DIP2C: variants seen among roughly 807,000 people sequenced by gnomAD.
DIP2C encodes the protein DIP2 acetate--CoA ligase C (putative).
In DIP2C, 33 loss-of-function variants were observed where a neutral mutation model predicts 192.4. The observed-to-expected ratio is 0.17, with a 90% confidence interval of 0.13 to 0.23. DIP2C has a LOEUF of 0.23. Ranked by LOEUF, DIP2C falls within the 10% of genes least tolerant of loss-of-function variation. The pLI, the probability that DIP2C is intolerant of heterozygous loss-of-function variation, is 1.00. For synonymous variants in DIP2C, 979 were observed against 864.1 expected (o/e 1.13, Z -2.33); for missense variants, 1,537 against 2,110.1 (o/e 0.73, Z 5.32).
intron 22 of DIP2C, among the ~76,000 whole-genome samples, chr10:361,932 C>T (rs1039022704): frequency 3.3e-5 from 5 of 151,942 alleles, no homozygotes; most frequent in Admixed American, 1.3e-4. Context: ...AACCAGGGAC[C>T]GCGAGAACAA....
rs1564681633 is a variant in DIP2C, at chr10:415,803, T to C, written c.825A>G (p.Glu275=). 5 of 1,614,048 alleles carry C rather than the reference T, an allele frequency of 3.1e-6. No homozygotes were observed. Among genetic ancestry groups the C allele is most frequent in the Non-Finnish European group, 4.2e-6 (5 of 1,180,000 alleles). Residue 275 remains glutamate (E), a synonymous_variant, in exon 7 of 37, where the codon GAA becomes GAG. Coordinates refer to ENST00000280886, the MANE Select transcript of DIP2C (RefSeq NM_014974.3). ...LKRPKRPPLR[E]FFVDDFEELL... Reference sequence around the variant, plus strand: ...ATTCTTCAAAGTCATCGACAAAGAATTCTCGTAAAGGTGGTCGTTTCGGTC... The same window carrying C: ...ATTCTTCAAAGTCATCGACAAAGAACTCTCGTAAAGGTGGTCGTTTCGGTC...
intron 3 of DIP2C, among the ~76,000 whole-genome samples, chr10:463,698 C>T (rs1046814191): frequency 2.0e-5 from 3 of 152,068 alleles, no homozygotes; most frequent in African/African-American, 7.2e-5. Flanking sequence ...CAATCCTAAG[C>T]AAAAAGAACA....
rs183027323 is a variant in DIP2C, at chr10:275,988, A to T, written c.*1337T>A. On this transcript the variant is annotated 3_prime_UTR_variant, in exon 37 of 37. Coordinates refer to ENST00000280886, the MANE Select transcript of DIP2C (RefSeq NM_014974.3). The stretch of plus-strand genomic sequence containing the variant: ...ACGATCACCGATGTGAGTTCCGGAC[A>T]CTTTGTCCACTCCACATTGGCCATC... 6.6e-6 allele frequency: 1 copy of T among 152,360 alleles called. No homozygotes were observed. The highest frequency in any genetic ancestry group is 1.5e-5 in the Non-Finnish European group (1 of 68,054). 9.4% of individuals were successfully genotyped at this position (152,360 alleles called of 1,614,324 possible). A position where few individuals can be genotyped will look rare whatever the true frequency, so the allele number is the denominator to read the frequency against.
chr10:414,756 T>TATATATATATATAA (rs1435691808), intron 7 of DIP2C, among the ~76,000 whole-genome samples: 2 of 132,766 alleles, frequency 1.5e-5, no homozygotes, highest in Non-Finnish European at 3.2e-5. Context: ...TATATATATA[T>TATATATATATATAA]AATGTGTATA....
At chr10:312,345 C>T (rs1158590943) in intron 31 of DIP2C, among the ~76,000 whole-genome samples, 1 of 152,204 alleles carries the variant, frequency 6.6e-6, no homozygotes, top group East Asian at 1.9e-4. Context: ...CCCTATGTCA[C>T]TTAGCTGTCT....
intron 1 of DIP2C, among the ~76,000 whole-genome samples, chr10:595,933 G>GA (rs1001305808): frequency 2.0e-5 from 3 of 152,212 alleles, no homozygotes; most frequent in South Asian, 2.1e-4. Context: ...GAAAGCGGAG[G>GA]AAAAAGCTTA....
intron 9 of DIP2C, among the ~76,000 whole-genome samples, chr10:400,411 C>G (rs1204663842): frequency 6.6e-6 from 1 of 152,210 alleles, no homozygotes; most frequent in Admixed American, 6.5e-5. Flanking sequence ...ATAGACAACC[C>G]TATTTCTGGA....
At chr10:365,746 G>C (rs759698116) in intron 19 of DIP2C, among the ~76,000 whole-genome samples, 1 of 152,158 alleles carries the variant, frequency 6.6e-6, no homozygotes, top group Non-Finnish European at 1.5e-5. Context: ...CATTACACAC[G>C]CATCTGTGTA....
At chr10:424,130 T>C (rs752092296) in intron 4 of DIP2C, among the ~76,000 whole-genome samples, 9 of 152,178 alleles carry the variant, frequency 5.9e-5, no homozygotes, top group Non-Finnish European at 1.2e-4. Flanking sequence ...AGGTGAGTTA[T>C]GAGAGACGCC....
At chr10:294,755 T>A (rs972881812) in intron 32 of DIP2C, among the ~76,000 whole-genome samples, 2 of 152,012 alleles carry the variant, frequency 1.3e-5, no homozygotes, top group Non-Finnish European at 2.9e-5. Context: ...CCTTCGTTTT[T>A]AAAAAAATAC....
intron 1 of DIP2C, among the ~76,000 whole-genome samples, chr10:488,709 G>A (rs904119931): frequency 6.6e-6 from 1 of 152,208 alleles, no homozygotes; most frequent in Non-Finnish European, 1.5e-5. Flanking sequence ...CTGCATGGAT[G>A]ACGCCTCTGG....
intron 1 of DIP2C, among the ~76,000 whole-genome samples, chr10:604,660 T>C (rs1588575971): frequency 6.6e-6 from 1 of 152,268 alleles, no homozygotes; most frequent in East Asian, 1.9e-4. Flanking sequence ...ATTATAGTTT[T>C]TATCCAAAAA....
Position 412,609 on chromosome 10 carries a change from T to C in DIP2C, c.1057+1304A>G, listed in dbSNP as rs553061666. Among the ~76,000 whole-genome samples the C allele has an allele frequency of 4.6e-5, 7 of 152,270 alleles. No homozygotes were observed. In the South Asian group the frequency reaches 1.0e-3, roughly 23 times the overall value. ...GAAACGCACGCTCCCAAACCCAATA[T>C]GCTCCTAGGCCCAAATCCCACATCT... is the stretch of plus-strand genomic sequence containing the variant. On this transcript the variant is annotated intron_variant, in intron 8 of 36. Coordinates refer to ENST00000280886, the MANE Select transcript of DIP2C (RefSeq NM_014974.3).
intron 1 of DIP2C, among the ~76,000 whole-genome samples, chr10:672,099 G>A (rs1830677855): frequency 7.2e-6 from 1 of 137,992 alleles, no homozygotes; most frequent in Non-Finnish European, 1.6e-5. Flanking sequence ...GGAGTAAACA[G>A]GCCACAGACG....
intron 1 of DIP2C, among the ~76,000 whole-genome samples, chr10:572,322 T>C (rs555535680): frequency 6.6e-6 from 1 of 152,370 alleles, no homozygotes; most frequent in African/African-American, 2.4e-5. Context: ...TTTCACACTC[T>C]GCCTTTATAT....
At chr10:472,360 T>C in intron 3 of DIP2C, 79 bp downstream of exon 3, 1 of 1,367,508 alleles carries the variant, frequency 7.3e-7, no homozygotes, top group Non-Finnish European at 1.0e-6. Context: ...CACTTCTGCC[T>C]CGCCCAGTGG....
At chr10:479,474 C>T (rs761937699) in intron 2 of DIP2C, among the ~76,000 whole-genome samples, 10 of 151,894 alleles carry the variant, frequency 6.6e-5, no homozygotes, top group Admixed American at 1.3e-4. Flanking sequence ...GCTGGAATTA[C>T]AGGCACCCAT....
intron 1 of DIP2C, among the ~76,000 whole-genome samples, chr10:645,040 C>T (rs899279671): frequency 1.3e-5 from 2 of 152,202 alleles, no homozygotes; most frequent in Admixed American, 6.5e-5. Flanking sequence ...AGAAAGACCC[C>T]TCCGGATGAG....
chr10:479,856 G>A (rs369907527), intron 2 of DIP2C, among the ~76,000 whole-genome samples: 5 of 150,484 alleles, frequency 3.3e-5, no homozygotes, highest in African/African-American at 7.3e-5. Context: ...GTTCTCATCC[G>A]GCAGCCTGAG....
Sources: gnomAD v4.1 joint callset for allele counts (sites outside exome capture counted in the v4.1 genomes callset) on GRCh38, gnomAD v4.1.1 for gene constraint, MANE v1.5 for transcripts, NCBI Gene and HGNC (gene_info 2026-07-23, HGNC 2026-07-21) for gene names.